The following EVI5 variants were observed in gnomAD, a reference collection of about 807,000 sequenced individuals.
EVI5 encodes the protein ecotropic viral integration site 5.
A neutral mutation model predicts 112.0 loss-of-function variants in EVI5; 73 were observed. The observed-to-expected ratio is 0.65, with a 90% CI of 0.54 to 0.79. The LOEUF (loss-of-function observed/expected upper bound fraction) is 0.79. Among genes scored for constraint, EVI5 ranks in the 30% least tolerant of loss-of-function variants. The pLI, the probability that EVI5 is intolerant of heterozygous loss-of-function variation, is 0.00. For missense variants in EVI5, 900 were observed against 968.8 expected (o/e 0.93, Z 0.94); for synonymous variants, 305 against 319.9 (o/e 0.95, Z 0.50).
intron 19 of EVI5, among the ~76,000 whole-genome samples, chr1:92,524,177 C>A (rs1242772180): frequency 6.7e-6 from 1 of 149,570 alleles, no homozygotes; most frequent in East Asian, 2.0e-4. Context: ...TTGAGCCCTA[C>A]TCTTGAACAT....
intron 10 of EVI5, among the ~76,000 whole-genome samples, chr1:92,667,114 G>T (rs1665060967): frequency 6.6e-6 from 1 of 152,050 alleles, no homozygotes; most frequent in African/African-American, 2.4e-5. Context: ...GCAAAACCCT[G>T]TCTCTACAAA....
intron 18 of EVI5, among the ~76,000 whole-genome samples, chr1:92,587,167 A>T (rs1473228279): frequency 1.3e-5 from 2 of 152,208 alleles, no homozygotes; most frequent in Non-Finnish European, 2.9e-5. Flanking sequence ...GTTTTTAAAC[A>T]GAATCTCGCA....
At chr1:92,735,915 A>G (rs550910225) in intron 2 of EVI5, among the ~76,000 whole-genome samples, 1 of 147,934 alleles carries the variant, frequency 6.8e-6, no homozygotes, top group Admixed American at 6.8e-5. Flanking sequence ...TAACATGGTA[A>G]GGAAACAAAC....
At chr1:92,574,604 G>A (rs1253442253) in intron 18 of EVI5, among the ~76,000 whole-genome samples, 2 of 152,076 alleles carry the variant, frequency 1.3e-5, no homozygotes, top group Admixed American at 1.3e-4. Flanking sequence ...CACTGGGGAG[G>A]TAAGAGAAAG....
chr1:92,790,992 GCCATGACTATGGGAAAGAACAAGCTCT>G (rs1686056277), intron 1 of EVI5, among the ~76,000 whole-genome samples: 1 of 152,110 alleles, frequency 6.6e-6, no homozygotes. Flanking sequence ...GACTAGATCT[GCCATGACTATGGGAAAGAACAAGCTCT>G]CTGGATCTAC....
At chr1:92,607,273 A>T (rs1650632919) in intron 17 of EVI5, among the ~76,000 whole-genome samples, 1 of 152,180 alleles carries the variant, frequency 6.6e-6, no homozygotes, top group Non-Finnish European at 1.5e-5. Context: ...TGATCAAGCC[A>T]TTAAAAGCTC....
intron 16 of EVI5, chr1:92,622,217 C>T (rs1192852901): frequency 1.8e-5 from 6 of 331,790 alleles, no homozygotes; most frequent in Non-Finnish European, 3.0e-5. Context: ...TGATCTACAG[C>T]ACAAACATGT....
rs762378779 is a variant in EVI5 at position 92,625,895 on chromosome 1, G to C, written c.1567C>G (p.Leu523Val). The C allele has an allele frequency of 6.2e-7, 1 of 1,608,432 alleles. No individual in the cohort carries two copies. Among genetic ancestry groups the C allele is most frequent in the South Asian group, 1.1e-5 (1 of 90,900 alleles). ...TTCACAGCAATGAGTTCTTCCTGAAGCCTTGCAATATTATTCTCATCAGGA... is the reference window on the plus strand; with the variant it reads ...TTCACAGCAATGAGTTCTTCCTGAACCCTTGCAATATTATTCTCATCAGGA... ...SLPDENNIAR[L>V]QEELIAVKLR... The change falls in exon 15 of 20, where the codon CTT becomes GTT. Residue 523 changes from leucine to valine, a missense_variant. Physicochemically the swap from Leu to Val is conservative, Grantham distance 32. Coordinates refer to ENST00000684568, the MANE Select transcript of EVI5 (RefSeq NM_001350197.2).
rs372196850 is a variant in EVI5 at position 92,612,512 on chromosome 1, T to C, written c.1828-4785A>G. 7.2e-4 allele frequency among the ~76,000 whole-genome samples: 110 copies of C among 151,782 alleles called. 1 individual carries two copies. Among genetic ancestry groups the C allele is most frequent in the South Asian group, 4.2e-3 (20 of 4,804 alleles). On this transcript the variant is annotated intron_variant, in intron 16 of 19. Transcript: ENST00000684568. The stretch of plus-strand genomic sequence containing the variant: ...TCACTTGAGGTCAGGAGTTCGACAC[T>C]AGCCTGGCCAATATGGTGAAACCCC...
At chr1:92,790,523 T>C (rs915247860) in intron 1 of EVI5, among the ~76,000 whole-genome samples, 2 of 150,780 alleles carry the variant, frequency 1.3e-5, no homozygotes, top group Non-Finnish European at 1.5e-5. Flanking sequence ...TTTTTTTTTT[T>C]GGTTTTTTTT....
chr1:92,664,563 AAACAACTTAAAAGC>A lies in EVI5; in HGVS notation c.1213-1125_1213-1112del, dbSNP rs529621399. Among the ~76,000 whole-genome samples the A allele has an allele frequency of 1.4e-3, 217 of 152,174 alleles. 1 individual carries two copies. The highest frequency in any genetic ancestry group is 0.01 in the South Asian group (50 of 4,826). Reference sequence around the variant, plus strand: ...AGTGGGAAAAAAGAGTATATAATTAAAACAACTTAAAAGCAAGCTCAATCTTCCTGTGGAGTCAC... The same window carrying A: ...AGTGGGAAAAAAGAGTATATAATTAAAAGCTCAATCTTCCTGTGGAGTCAC... On this transcript the variant is annotated intron_variant, in intron 11 of 19. Coordinates refer to ENST00000684568, the MANE Select transcript of EVI5 (RefSeq NM_001350197.2).
intron 14 of EVI5, among the ~76,000 whole-genome samples, chr1:92,630,032 G>A (rs186512326): frequency 1.3e-5 from 2 of 152,264 alleles, no homozygotes; most frequent in East Asian, 1.9e-4. Context: ...ATTCCATGGT[G>A]TATATGTGCC....
rs374068270 is a variant in EVI5 at position 92,576,744 on chromosome 1, G to A, written c.2071-13007C>T. On this transcript the variant is annotated intron_variant, in intron 18 of 19. Transcript: ENST00000684568. ...TCTGGTTCCTAGTTCTGTCTATATC[G>A]CTGGGCAAATACAAGAGTGATATGT... 5.9e-5 allele frequency among the ~76,000 whole-genome samples: 9 copies of A among 152,232 alleles called. No homozygotes were observed. The East Asian group carries it at 1.7e-3, about 29-fold the overall frequency.
chr1:92,778,586 G>A (rs568526760), intron 1 of EVI5, among the ~76,000 whole-genome samples: 1 of 152,218 alleles, frequency 6.6e-6, no homozygotes, highest in Non-Finnish European at 1.5e-5. Context: ...AAAACTGGAA[G>A]ATACTCTCTG....
At position 92,510,258 on chromosome 1, in the gene EVI5, A is replaced by T. The variant is rs1659108655; in HGVS notation, c.*3398T>A. 6.6e-6 allele frequency: 1 copy of T among 152,214 alleles called. No individual in the cohort carries two copies. The highest frequency in any genetic ancestry group is 6.5e-5 in the Admixed American group (1 of 15,284). 9.4% of individuals were successfully genotyped at this position (152,214 alleles called of 1,614,324 possible). A position where few individuals can be genotyped will look rare whatever the true frequency, so the allele number is the denominator to read the frequency against. On this transcript the variant is annotated 3_prime_UTR_variant, in exon 20 of 20. Transcript: ENST00000684568. ...GATTCTAGAAAATTTCTTATCTTAA[A>T]GTCAAACTATAACCTTTACTCAATA...
At chr1:92,613,859 G>A (rs960986396) in intron 16 of EVI5, among the ~76,000 whole-genome samples, 2 of 152,126 alleles carry the variant, frequency 1.3e-5, no homozygotes, top group Non-Finnish European at 2.9e-5. Flanking sequence ...CCAAAGTGTT[G>A]GGGATTATAG....
chr1:92,731,562 A>C (rs180837774), intron 2 of EVI5, among the ~76,000 whole-genome samples: 1 of 152,332 alleles, frequency 6.6e-6, no homozygotes, highest in Admixed American at 6.5e-5. Flanking sequence ...CTTGATTGTA[A>C]AATTCATTTG....
chr1:92,675,759 A>G (rs1666628651), intron 10 of EVI5, among the ~76,000 whole-genome samples: 1 of 152,116 alleles, frequency 6.6e-6, no homozygotes, highest in Admixed American at 6.5e-5. Context: ...GATCGAGACC[A>G]TCCTGGCTAA....
At chr1:92,758,571 C>CAA (rs11369948) in intron 1 of EVI5, among the ~76,000 whole-genome samples, 2,931 of 129,262 alleles carry the variant, frequency 0.023, 110 homozygotes, top group African/African-American at 0.074. Context: ...CCCTGTCTCA[C>CAA]AAAAAAAAAA....
Sources: allele counts gnomAD v4.1 joint callset (sites outside exome capture counted in the v4.1 genomes callset), GRCh38; gene constraint gnomAD v4.1.1; transcripts MANE v1.5; gene names NCBI Gene and HGNC (gene_info 2026-07-23, HGNC 2026-07-21).